Variants in CUX2 observed in about 807,000 individuals in gnomAD.
The protein encoded by CUX2 is cut like homeobox 2.
In CUX2, 40 loss-of-function variants were observed where a neutral mutation model predicts 144.8. The ratio of observed to expected loss-of-function variants is 0.28; its 90% CI spans 0.21 to 0.36. The LOEUF (loss-of-function observed/expected upper bound fraction) is 0.36, where lower values mean the gene tolerates loss of function less well. Ranked by LOEUF, CUX2 falls within the 10% of genes least tolerant of loss-of-function variation. The pLI, the probability that CUX2 is intolerant of heterozygous loss-of-function variation, is 1.00. For synonymous variants in CUX2, 827 were observed against 875.6 expected, an observed-to-expected ratio of 0.94 and a Z score of 0.98; for missense variants, 1,615 against 1,994.0, an observed-to-expected ratio of 0.81 and a Z score of 3.62.
At chr12:111,064,928 G>A (rs745831419) in intron 1 of CUX2, among the ~76,000 whole-genome samples, 8 of 152,150 alleles carry the variant, frequency 5.3e-5, no homozygotes, top group Admixed American at 1.3e-4. Context: ...AATTCCTTCT[G>A]GTTAAAGACC....
At chr12:111,088,912 G>A (rs1004374621) in intron 1 of CUX2, among the ~76,000 whole-genome samples, 1 of 152,150 alleles carries the variant, frequency 6.6e-6, no homozygotes, top group Non-Finnish European at 1.5e-5. Flanking sequence ...AGGCGGTGGA[G>A]AGTCATCTTG....
chr12:111,078,393 G>T (rs1871653561), intron 1 of CUX2, among the ~76,000 whole-genome samples: 3 of 152,326 alleles, frequency 2.0e-5, no homozygotes, highest in South Asian at 2.1e-4. Flanking sequence ...GGGGCCAGGT[G>T]CAGCAGCTTA....
At position 111,275,648 on chromosome 12, in the gene CUX2, C is replaced by T. The variant is rs1434353559; in HGVS notation, c.301+11809C>T. Among the ~76,000 whole-genome samples, 17 of 152,196 alleles carry T rather than the reference C, an allele frequency of 1.1e-4. 1 individual carries two copies. The highest frequency in any genetic ancestry group is 1.0e-3 in the Admixed American group (16 of 15,274). On this transcript the variant is annotated intron_variant, in intron 4 of 21. Coordinates refer to ENST00000261726, the MANE Select transcript of CUX2 (RefSeq NM_015267.4). ...GGGGCATGATTTTAGAGGTCGGGGG[C>T]TTGGCAGCACCTAGTATTTCCCCAA... is the stretch of plus-strand genomic sequence containing the variant.
chr12:111,089,583 A>G (rs1315708060), intron 1 of CUX2, among the ~76,000 whole-genome samples: 1 of 152,142 alleles, frequency 6.6e-6, no homozygotes, highest in African/African-American at 2.4e-5. Flanking sequence ...TGAGCAGGGC[A>G]GTATGTGTTG....
intron 3 of CUX2, among the ~76,000 whole-genome samples, chr12:111,247,546 A>G (rs1433065431): frequency 6.6e-6 from 1 of 152,170 alleles, no homozygotes; most frequent in East Asian, 1.9e-4. Flanking sequence ...CAGGGCTGAG[A>G]GAGCACAGGG....
intron 1 of CUX2, among the ~76,000 whole-genome samples, chr12:111,162,775 G>A (rs1337345531): frequency 2.0e-5 from 3 of 152,224 alleles, no homozygotes; most frequent in African/African-American, 7.2e-5. Flanking sequence ...GCCAGGTGTG[G>A]TGGCTCACGC....
At chr12:111,200,991 A>C (rs1415794958) in intron 1 of CUX2, among the ~76,000 whole-genome samples, 2 of 152,136 alleles carry the variant, frequency 1.3e-5, no homozygotes, top group Admixed American at 6.5e-5. Flanking sequence ...ATAGTGGGGC[A>C]GGGGGAGGTC....
intron 1 of CUX2, among the ~76,000 whole-genome samples, chr12:111,131,562 C>G (rs1052949105): frequency 3.9e-5 from 6 of 152,212 alleles, no homozygotes; most frequent in African/African-American, 1.4e-4. Context: ...GTCCCTTCCA[C>G]CTATAAGCCT....
Position 111,338,290 on chromosome 12 carries a change from G to T in CUX2, c.3201G>T (p.Gln1067His). 1 of 1,607,656 alleles carries T rather than the reference G, an allele frequency of 6.2e-7. No individual in the cohort carries two copies. The change falls in exon 20 of 22, where the codon CAG becomes CAT. Residue 1067 changes from glutamine (Q) to histidine (H), a missense_variant. Physicochemically the swap from Gln to His is conservative, Grantham distance 24. Transcript: ENST00000261726. ...GCTCCCCTCCCCTATCCCCAGGGCAGCGGCTGTTTGGGGAAAGCATCCTGG... is the reference window on the plus strand; with the variant it reads ...GCTCCCCTCCCCTATCCCCAGGGCATCGGCTGTTTGGGGAAAGCATCCTGG... ...KEVLTDNNLG[Q>H]RLFGESILGL...
At chr12:111,300,084 T>C (rs895102474) in intron 9 of CUX2, among the ~76,000 whole-genome samples, 1 of 152,180 alleles carries the variant, frequency 6.6e-6, no homozygotes, top group Non-Finnish European at 1.5e-5. Context: ...AGATGAGGTT[T>C]CACCATGTTG....
chr12:111,222,831 G>A (rs1057071025), intron 3 of CUX2, among the ~76,000 whole-genome samples: 2 of 152,134 alleles, frequency 1.3e-5, no homozygotes, highest in East Asian at 1.9e-4. Flanking sequence ...GGGGGAATTC[G>A]TGTGGCATGA....
At position 111,320,410 on chromosome 12, in the gene CUX2, G is replaced by T. The variant is rs1160982706; in HGVS notation, c.2401G>T (p.Ala801Ser). 5 of 1,597,786 alleles carry T rather than the reference G, an allele frequency of 3.1e-6. No homozygotes were observed. Among genetic ancestry groups the T allele is most frequent in the Non-Finnish European group, 4.2e-6 (5 of 1,179,050 alleles). The change falls in exon 17 of 22, where the codon GCC becomes TCC. Residue 801 changes from alanine to serine, a missense_variant. Ala to Ser is a moderately conservative substitution (Grantham distance 99). This residue lies in a region of CUX2 where 390 missense variants were observed against 387.1 expected (regional missense o/e 1.01). Transcript: ENST00000261726. This position sits in a 1 kb window ranked among gnomAD's most constrained non-coding sequence, Gnocchi z 8.1. Reference sequence around the variant, plus strand: ...CCGCGGCCTGCTCAGCCGCCCCTACGCCTCCGTGTCGCCCTCGCTGTCCTC... The same window carrying T: ...CCGCGGCCTGCTCAGCCGCCCCTACTCCTCCGTGTCGCCCTCGCTGTCCTC... ...SDRGLLSRPY[A>S]SVSPSLSSSS...
At chr12:111,338,971 G>A (rs1296061828) in intron 20 of CUX2, among the ~76,000 whole-genome samples, 5 of 152,052 alleles carry the variant, frequency 3.3e-5, no homozygotes, top group African/African-American at 4.8e-5. Flanking sequence ...AGTGGCTCAC[G>A]CCTGTAATCT....
chr12:111,087,727 C>T (rs1044716284), intron 1 of CUX2, among the ~76,000 whole-genome samples: 2 of 152,154 alleles, frequency 1.3e-5, no homozygotes, highest in Non-Finnish European at 2.9e-5. Flanking sequence ...ACAGCCCCTG[C>T]ACATAGTAGA....
chr12:111,131,042 T>C (rs1459377642), intron 1 of CUX2, among the ~76,000 whole-genome samples: 2 of 152,204 alleles, frequency 1.3e-5, no homozygotes, highest in African/African-American at 4.8e-5. Flanking sequence ...ATGGGTCACT[T>C]TTTTTATGCC....
At chr12:111,157,068 A>G (rs1877440872) in intron 1 of CUX2, among the ~76,000 whole-genome samples, 1 of 151,438 alleles carries the variant, frequency 6.6e-6, no homozygotes, top group Non-Finnish European at 1.5e-5. Context: ...AAAGAAAATA[A>G]GCTGATCAAG....
At chr12:111,323,396 C>T (rs1887629674) in intron 18 of CUX2, among the ~76,000 whole-genome samples, 1 of 152,216 alleles carries the variant, frequency 6.6e-6, no homozygotes, top group African/African-American at 2.4e-5. Context: ...GTGACAAAAG[C>T]CTCCATCCCA....
chr12:111,173,188 G>A (rs1490348199), intron 1 of CUX2, among the ~76,000 whole-genome samples: 1 of 152,204 alleles, frequency 6.6e-6, no homozygotes, highest in Non-Finnish European at 1.5e-5. Context: ...CTACTGCGTG[G>A]GAGTCTCCCC....
At chr12:111,101,488 C>T (rs1002964574) in intron 1 of CUX2, among the ~76,000 whole-genome samples, 7 of 152,218 alleles carry the variant, frequency 4.6e-5, no homozygotes, top group African/African-American at 1.4e-4. Context: ...TGTCCCTGTC[C>T]GGCTCACTGT....
Sources: allele counts gnomAD v4.1 joint callset (sites outside exome capture counted in the v4.1 genomes callset), GRCh38; gene constraint gnomAD v4.1.1; regional missense constraint gnomAD v4.1.1; non-coding constraint Gnocchi (gnomAD v3.1); transcripts MANE v1.5; gene names NCBI Gene and HGNC (gene_info 2026-07-23, HGNC 2026-07-21).